KCNC1: variants seen among roughly 807,000 people sequenced by gnomAD.
The protein encoded by KCNC1 is potassium voltage-gated channel subfamily C member 1.
A neutral mutation model predicts 43.4 loss-of-function variants in KCNC1; 8 were observed. That is an observed-to-expected ratio of 0.18 (90% CI 0.11 to 0.33). The LOEUF (loss-of-function observed/expected upper bound fraction) is 0.33, where lower values mean the gene tolerates loss of function less well. Ranked by LOEUF, KCNC1 falls within the 10% of genes least tolerant of loss-of-function variation. The pLI is 1.00. For missense variants in KCNC1, 420 were observed against 836.0 expected (o/e 0.50, Z 6.14); for synonymous variants, 361 against 360.5 (o/e 1.00, Z -0.01).
intron 1 of KCNC1, among the ~76,000 whole-genome samples, chr11:17,754,571 T>TA (rs1849004041): frequency 6.6e-6 from 1 of 152,282 alleles, no homozygotes; most frequent in South Asian, 2.1e-4. Flanking sequence ...GTGAGGCAAG[T>TA]GGACATAGGA....
intron 1 of KCNC1, among the ~76,000 whole-genome samples, chr11:17,738,008 G>A (rs1161196603): frequency 6.6e-6 from 1 of 152,010 alleles, no homozygotes; most frequent in African/African-American, 2.4e-5. Flanking sequence ...ATGTCGGGGC[G>A]GGCGGGGGGC....
Position 17,735,856 on chromosome 11 carries a change from G to T in KCNC1, c.-147G>T. ...CGGAGAGGCTTGGCTCGCTCGTTGG[G>T]GTGGCCAGAGCCGCAGGCCTCTGTT... On this transcript the variant is annotated 5_prime_UTR_variant, in exon 1 of 4. Transcript: ENST00000265969. The surrounding 1 kb of genome is among the most constrained non-coding windows in gnomAD (Gnocchi z 6.7). The T allele has an allele frequency of 1.1e-6, 1 of 902,164 alleles. No individual in the cohort carries two copies. Among genetic ancestry groups the T allele is most frequent in the Non-Finnish European group, 1.5e-6 (1 of 647,762 alleles). 55.9% of individuals were successfully genotyped at this position (902,164 alleles called of 1,614,324 possible). A position where few individuals can be genotyped will look rare whatever the true frequency, so the allele number is the denominator to read the frequency against.
Position 17,736,018 on chromosome 11 carries a change from G to A in KCNC1, c.16G>A (p.Glu6Lys). The stretch of plus-strand genomic sequence containing the variant: ...GGGCGCCGCGATGGGCCAAGGGGAC[G>A]AGAGCGAGCGCATCGTGATCAACGT... MGQGDESERIVINVGG... is the reference protein window; with the variant it reads MGQGDKSERIVINVGG... The change falls in exon 1 of 4, where the codon GAG becomes AAG. Residue 6 changes from glutamate (E) to lysine (K), a missense_variant. Around this residue, in one of 5 missense-constraint regions of KCNC1, gnomAD observed 42 missense variants for 81.5 expected, o/e 0.52. Transcript: ENST00000265969. The surrounding 1 kb of genome is among the most constrained non-coding windows in gnomAD (Gnocchi z 9.3). 6.6e-7 allele frequency: 1 copy of A among 1,511,928 alleles called. No homozygotes were observed. The highest frequency in any genetic ancestry group is 8.8e-7 in the Non-Finnish European group (1 of 1,132,064). 93.7% of individuals were successfully genotyped at this position (1,511,928 alleles called of 1,614,324 possible).
At position 17,735,901 on chromosome 11, in the gene KCNC1, A is replaced by C; in HGVS notation, c.-102A>C. Reference sequence around the variant, plus strand: ...TCTGTTCCCCCCGACGGCTGGGGGGAGGGGGGAAGAGGGCGCGCGCCCCCC... The same window carrying C: ...TCTGTTCCCCCCGACGGCTGGGGGGCGGGGGGAAGAGGGCGCGCGCCCCCC... On this transcript the variant is annotated 5_prime_UTR_variant, in exon 1 of 4. Coordinates refer to ENST00000265969, the MANE Select transcript of KCNC1 (RefSeq NM_001112741.2). The surrounding 1 kb of genome is among the most constrained non-coding windows in gnomAD (Gnocchi z 6.7). The C allele has an allele frequency of 8.0e-7, 1 of 1,248,154 alleles. No individual in the cohort carries two copies. Among genetic ancestry groups the C allele is most frequent in the Non-Finnish European group, 1.0e-6 (1 of 962,888 alleles). The allele number at this position is 1,248,154 out of a possible 1,614,324, so 77.3% of individuals were successfully genotyped here. A position where few individuals can be genotyped will look rare whatever the true frequency, so the allele number is the denominator to read the frequency against.
At chr11:17,775,342 C>T (rs1364432693) in intron 2 of KCNC1, 2 of 985,438 alleles carry the variant, frequency 2.0e-6, no homozygotes, top group Non-Finnish European at 1.2e-6. Context: ...CTCACCTCCA[C>T]CTCTTGGTCT....
At position 17,736,653 on chromosome 11, in the gene KCNC1, G is replaced by A. The variant is rs1207014008; in HGVS notation, c.570+81G>A. The stretch of plus-strand genomic sequence containing the variant: ...TCCCCGCGGGCAGGGGTGGACCGGA[G>A]AACTGGCGCCTAGGGAGTTCAGAAT... On this transcript the variant is annotated intron_variant, in intron 1 of 3. Transcript: ENST00000265969. The surrounding 1 kb of genome is among the most constrained non-coding windows in gnomAD (Gnocchi z 9.3). The A allele has an allele frequency of 3.5e-6, 5 of 1,441,420 alleles. No homozygotes were observed. The East Asian group carries it at 1.2e-4, about 36-fold the overall frequency. 89.3% of individuals were successfully genotyped at this position (1,441,420 alleles called of 1,614,324 possible).
At chr11:17,751,192 A>G (rs1412390859) in intron 1 of KCNC1, among the ~76,000 whole-genome samples, 1 of 152,258 alleles carries the variant, frequency 6.6e-6, no homozygotes, top group Non-Finnish European at 1.5e-5. Context: ...AAGGTCAGCT[A>G]GAGCCATGCC....
chr11:17,745,384 C>T (rs1848887199), intron 1 of KCNC1, among the ~76,000 whole-genome samples: 1 of 152,168 alleles, frequency 6.6e-6, no homozygotes, highest in African/African-American at 2.4e-5. Context: ...CATCAACCAA[C>T]CCTGTTGTCT....
intron 1 of KCNC1, among the ~76,000 whole-genome samples, chr11:17,750,955 C>G (rs771214087): frequency 2.2e-4 from 33 of 152,124 alleles, no homozygotes; most frequent in Middle Eastern, 6.3e-3. Flanking sequence ...TCTTGGAGGA[C>G]AAGGGTCAGG....
intron 1 of KCNC1, among the ~76,000 whole-genome samples, chr11:17,756,355 C>T (rs985726460): frequency 5.9e-5 from 9 of 152,118 alleles, no homozygotes; most frequent in Non-Finnish European, 8.8e-5. Context: ...TACTCCTCCC[C>T]CAAGAAGCTG....
chr11:17,757,886 T>C (rs1164438398), intron 1 of KCNC1, among the ~76,000 whole-genome samples: 1 of 152,242 alleles, frequency 6.6e-6, no homozygotes, highest in Non-Finnish European at 1.5e-5. Context: ...TCAGTGTTGA[T>C]GGCTGCCGAT....
rs549221702 is a variant in KCNC1, at chr11:17,759,065, G to A, written c.571-12600G>A. 4.6e-5 allele frequency among the ~76,000 whole-genome samples: 7 copies of A among 152,366 alleles called. No homozygotes were observed. In the South Asian group the frequency reaches 1.0e-3, roughly 23 times the overall value. On this transcript the variant is annotated intron_variant, in intron 1 of 3. Coordinates refer to ENST00000265969, the MANE Select transcript of KCNC1 (RefSeq NM_001112741.2). The stretch of plus-strand genomic sequence containing the variant: ...TGCATTGAAAAATCTTTTGTTTGGT[G>A]TAGCCACTTTCATCAGTGATCTTAG...
intron 1 of KCNC1, among the ~76,000 whole-genome samples, chr11:17,738,997 C>A: frequency 6.6e-6 from 1 of 152,240 alleles, no homozygotes. Context: ...CTGAGGAGGG[C>A]AGAGCGGGAT....
chr11:17,762,909 A>G (rs1849094554), intron 1 of KCNC1, among the ~76,000 whole-genome samples: 1 of 152,192 alleles, frequency 6.6e-6, no homozygotes, highest in African/African-American at 2.4e-5. Flanking sequence ...AGGTTTCCAC[A>G]AGCCCAAGGT....
chr11:17,756,631 G>C (rs1217846897), intron 1 of KCNC1, among the ~76,000 whole-genome samples: 1 of 151,970 alleles, frequency 6.6e-6, no homozygotes, highest in African/African-American at 2.4e-5. Context: ...AAATTTCCTA[G>C]TGAATTCCAA....
chr11:17,779,594 T>A lies in KCNC1; in HGVS notation c.1643T>A (p.Leu548His). 6.4e-7 allele frequency: 1 copy of A among 1,551,356 alleles called. No homozygotes were observed. Among genetic ancestry groups the A allele is most frequent in the Non-Finnish European group, 8.7e-7 (1 of 1,146,898 alleles). The stretch of plus-strand genomic sequence containing the variant: ...CGCGAGAGATACGGACCCTGCTTCC[T>A]CTTATCAACCGGGGAGTACGCGTGC... ...GTRERYGPCF[L>H]LSTGEYACPP... The change falls in exon 3 of 4, where the codon CTC becomes CAC. Residue 548 changes from leucine (L) to histidine (H), a missense_variant. Leu to His is a moderately conservative substitution (Grantham distance 99). Coordinates refer to ENST00000265969, the MANE Select transcript of KCNC1 (RefSeq NM_001112741.2). This position sits in a 1 kb window ranked among gnomAD's most constrained non-coding sequence, Gnocchi z 7.2.
At chr11:17,774,603 T>TC in intron 2 of KCNC1, 1 of 985,462 alleles carries the variant, frequency 1.0e-6, no homozygotes, top group Non-Finnish European at 1.2e-6. Flanking sequence ...ACCCATGCAC[T>TC]CCTGTGGGAT....
intron 1 of KCNC1, among the ~76,000 whole-genome samples, chr11:17,749,140 A>C (rs1172957573): frequency 1.3e-5 from 2 of 152,364 alleles, no homozygotes; most frequent in South Asian, 2.1e-4. Context: ...GCTAGTTCTT[A>C]GCTGTGTGAT....
chr11:17,774,527 C>T (rs967984315), intron 2 of KCNC1: 4 of 985,510 alleles, frequency 4.1e-6, no homozygotes, highest in African/African-American at 1.7e-5. Context: ...CCCTGCCCCC[C>T]AGGGAGTGCA....
Sources: allele counts gnomAD v4.1 joint callset (sites outside exome capture counted in the v4.1 genomes callset), GRCh38; gene constraint gnomAD v4.1.1; regional missense constraint gnomAD v4.1.1; non-coding constraint Gnocchi (gnomAD v3.1); transcripts MANE v1.5; gene names NCBI Gene and HGNC (gene_info 2026-07-23, HGNC 2026-07-21).